The following GDAP1 variants were observed in gnomAD, a reference collection of about 807,000 sequenced individuals.
GDAP1 encodes the protein ganglioside induced differentiation associated protein 1.
A neutral mutation model predicts 40.1 loss-of-function variants in GDAP1; 34 were observed. That is an observed-to-expected ratio of 0.85 (90% CI 0.64 to 1.13). GDAP1 has a LOEUF of 1.13. Among genes scored for constraint, GDAP1 ranks in the 50% most tolerant of loss-of-function variants. GDAP1 has a pLI of 0.00. For missense variants in GDAP1, 374 were observed against 433.7 expected, an observed-to-expected ratio of 0.86 and a Z score of 1.22; for synonymous variants, 170 against 157.4, an observed-to-expected ratio of 1.08 and a Z score of -0.60.
chr8:74,419,976 A>T (rs1805835082), intron 2 of GDAP1, among the ~76,000 whole-genome samples: 1 of 152,174 alleles, frequency 6.6e-6, no homozygotes, highest in Non-Finnish European at 1.5e-5. Context: ...ACATATATGG[A>T]TTTATTTCTG....
At chr8:74,458,452 G>T (rs1806362589) in intron 2 of GDAP1, among the ~76,000 whole-genome samples, 1 of 152,180 alleles carries the variant, frequency 6.6e-6, no homozygotes, top group South Asian at 2.1e-4. Flanking sequence ...TTCTTCAGTA[G>T]TGTAGAATGA....
chr8:74,444,210 GCGCGCACACACACACA>G (rs1288289694), intron 2 of GDAP1, among the ~76,000 whole-genome samples: 6 of 1,026 alleles, frequency 5.8e-3, no homozygotes, highest in African/African-American at 0.018. Flanking sequence ...ACACACACAC[GCGCGCACACACACACA>G]CACACACACA....
At chr8:74,390,407 C>T (rs1262725580) in intron 2 of GDAP1, among the ~76,000 whole-genome samples, 1 of 152,074 alleles carries the variant, frequency 6.6e-6, no homozygotes, top group Non-Finnish European at 1.5e-5. Flanking sequence ...CTATTCCTTT[C>T]TGTTAGTTTT....
chr8:74,448,669 C>T (rs936946261), intron 2 of GDAP1, among the ~76,000 whole-genome samples: 1 of 151,948 alleles, frequency 6.6e-6, no homozygotes, highest in Non-Finnish European at 1.5e-5. Flanking sequence ...CTTGGCCTTT[C>T]CCTGATGACT....
At chr8:74,456,994 G>A (rs2131578385) in intron 2 of GDAP1, among the ~76,000 whole-genome samples, 1 of 152,170 alleles carries the variant, frequency 6.6e-6, no homozygotes, top group Middle Eastern at 3.4e-3. Context: ...TATTGGAGAA[G>A]GGTGGCCCAT....
At chr8:74,439,256 A>G (rs1478417011) in intron 2 of GDAP1, among the ~76,000 whole-genome samples, 2 of 152,128 alleles carry the variant, frequency 1.3e-5, no homozygotes, top group African/African-American at 4.8e-5. Flanking sequence ...TACACATATT[A>G]CATATATATG....
intron 2 of GDAP1, among the ~76,000 whole-genome samples, chr8:74,482,123 G>T (rs1366692794): frequency 2.8e-5 from 4 of 143,832 alleles, no homozygotes; most frequent in African/African-American, 1.0e-4. Flanking sequence ...TTTTTTTGGG[G>T]GGGGGGGGTC....
At chr8:74,472,861 C>G (rs1001866931) in intron 2 of GDAP1, among the ~76,000 whole-genome samples, 2 of 152,062 alleles carry the variant, frequency 1.3e-5, no homozygotes, top group Admixed American at 1.3e-4. Context: ...AGTCTTCCCT[C>G]CTCAGCCTCC....
At chr8:74,422,864 A>G (rs1320726776) in intron 2 of GDAP1, among the ~76,000 whole-genome samples, 1 of 151,686 alleles carries the variant, frequency 6.6e-6, no homozygotes, top group African/African-American at 2.4e-5. Context: ...AAGTGTCACA[A>G]AAGACAGGGA....
intron 2 of GDAP1, among the ~76,000 whole-genome samples, chr8:74,464,821 C>T (rs1386925295): frequency 6.6e-6 from 1 of 152,100 alleles, no homozygotes; most frequent in African/African-American, 2.4e-5. Context: ...TAAATACCTG[C>T]CTACTGTCAT....
intron 2 of GDAP1, among the ~76,000 whole-genome samples, chr8:74,449,982 T>C (rs965959199): frequency 2.0e-5 from 3 of 151,824 alleles, no homozygotes; most frequent in Admixed American, 6.6e-5. Flanking sequence ...ACTTTTCAGA[T>C]GTAGAAATAA....
chr8:74,429,353 G>C (rs565711264), intron 2 of GDAP1, among the ~76,000 whole-genome samples: 6 of 152,022 alleles, frequency 3.9e-5, no homozygotes, highest in African/African-American at 1.4e-4. Context: ...TAATTATAGT[G>C]ATTTATTCTT....
chr8:74,477,063 C>G (rs1184100933), intron 2 of GDAP1, among the ~76,000 whole-genome samples: 1 of 152,134 alleles, frequency 6.6e-6, no homozygotes, highest in Non-Finnish European at 1.5e-5. Flanking sequence ...GTTTCCTTAT[C>G]TTGGTCTATC....
At chr8:74,360,758 C>T (rs1373010861) in intron 3 of GDAP1, among the ~76,000 whole-genome samples, 2 of 152,188 alleles carry the variant, frequency 1.3e-5, no homozygotes, top group Non-Finnish European at 1.5e-5. Flanking sequence ...TCTCTATGTT[C>T]AGTGATAGTA....
downstream of GDAP1, among the ~76,000 whole-genome samples, chr8:74,371,345 T>C (rs887226759): frequency 6.6e-6 from 1 of 152,206 alleles, no homozygotes; most frequent in Admixed American, 6.5e-5. Flanking sequence ...AACCCATGGC[T>C]GAAAGAAGAA....
chr8:74,471,267 C>T (rs1806550524), intron 2 of GDAP1, among the ~76,000 whole-genome samples: 1 of 152,036 alleles, frequency 6.6e-6, no homozygotes, highest in East Asian at 1.9e-4. Flanking sequence ...TTCCATTTGT[C>T]AGTTTTGGCT....
chr8:74,362,990 G>A lies in GDAP1; in HGVS notation c.631G>A (p.Glu211Lys). The change falls in exon 5 of 6, where the codon GAG becomes AAG. Residue 211 changes from glutamate to lysine, a missense_variant. By Grantham distance (56) the Glu-to-Lys change is moderately conservative (BLOSUM62 1). Transcript: ENST00000220822. ...NVKYLKKILD[E>K]LEKVLDQVET... is the part of the protein sequence containing the mutation. ...CAAGTATTTGAAGAAAATTCTTGAT[G>A]AGTTGGAGAAAGTCTTGGATCAGGT... The A allele has an allele frequency of 6.3e-7, 1 of 1,596,924 alleles. No homozygotes were observed. The highest frequency in any genetic ancestry group is 8.6e-7 in the Non-Finnish European group (1 of 1,164,660).
chr8:74,397,660 A>T (rs1330485312), intron 2 of GDAP1, among the ~76,000 whole-genome samples: 1 of 152,010 alleles, frequency 6.6e-6, no homozygotes, highest in African/African-American at 2.4e-5. Flanking sequence ...AAGATCAGAT[A>T]GTTGTAGATA....
At chr8:74,361,158 A>G (rs1035537033) in intron 3 of GDAP1, among the ~76,000 whole-genome samples, 3 of 151,746 alleles carry the variant, frequency 2.0e-5, no homozygotes, top group African/African-American at 7.3e-5. Flanking sequence ...CCTCTTCATA[A>G]ATACCCTTTA....
Sources: gnomAD v4.1 joint callset for allele counts (sites outside exome capture counted in the v4.1 genomes callset) on GRCh38, gnomAD v4.1.1 for gene constraint, MANE v1.5 for transcripts, NCBI Gene and HGNC (gene_info 2026-07-23, HGNC 2026-07-21) for gene names.